Variants in RALYL observed in about 807,000 individuals in gnomAD.
RALYL encodes the protein RALY RNA binding protein like.
RALYL carries 29 observed loss-of-function variants against 35.1 expected under a neutral mutation model. The observed-to-expected ratio is 0.83, with a 90% CI of 0.61 to 1.13. The LOEUF is 1.13. Among genes scored for constraint, RALYL ranks in the 50% most tolerant of loss-of-function variants. The probability of loss-of-function intolerance (pLI) is 0.00; values close to 1 mark genes in which losing one functional copy is unlikely to be tolerated. For synonymous variants in RALYL, 120 were observed against 127.6 expected (o/e 0.94, Z 0.40); for missense variants, 359 against 360.4 (o/e 1.00, Z 0.03).
intron 1 of RALYL, among the ~76,000 whole-genome samples, chr8:84,252,097 T>C (rs1244206824): frequency 6.6e-6 from 1 of 152,108 alleles, no homozygotes; most frequent in Non-Finnish European, 1.5e-5. Context: ...TATATCCTTA[T>C]ATAACATGGA....
At chr8:84,332,438 G>A (rs1847008628) in intron 1 of RALYL, among the ~76,000 whole-genome samples, 1 of 152,042 alleles carries the variant, frequency 6.6e-6, no homozygotes, top group Non-Finnish European at 1.5e-5. Flanking sequence ...TACAAGTTCT[G>A]ACTGAAAAGA....
chr8:84,235,352 T>C (rs1012103680), intron 1 of RALYL, among the ~76,000 whole-genome samples: 1 of 152,198 alleles, frequency 6.6e-6, no homozygotes, highest in Admixed American at 6.5e-5. Flanking sequence ...AGATATTCAT[T>C]ATCAGCTTCC....
At chr8:84,222,206 A>G (rs1158976621) in intron 1 of RALYL, among the ~76,000 whole-genome samples, 3 of 152,152 alleles carry the variant, frequency 2.0e-5, no homozygotes, top group African/African-American at 4.8e-5. Context: ...AAAATAAATT[A>G]AAAATTGATT....
chr8:84,454,390 C>T (rs1269017263), intron 1 of RALYL, among the ~76,000 whole-genome samples: 3 of 151,852 alleles, frequency 2.0e-5, no homozygotes. Context: ...TACATGCACA[C>T]TGCTATACAT....
chr8:84,597,429 C>T (rs181719479), intron 2 of RALYL, among the ~76,000 whole-genome samples: 1 of 152,148 alleles, frequency 6.6e-6, no homozygotes, highest in Admixed American at 6.6e-5. Flanking sequence ...ATTTTTCTCC[C>T]TCCTTTCAAG....
chr8:84,282,765 T>A (rs1186838203), intron 1 of RALYL, among the ~76,000 whole-genome samples: 1 of 151,664 alleles, frequency 6.6e-6, no homozygotes, highest in African/African-American at 2.4e-5. Flanking sequence ...TGTGTGTGTG[T>A]GTGTGTGTGT....
chr8:84,271,642 G>A (rs192368455), intron 1 of RALYL, among the ~76,000 whole-genome samples: 34 of 151,874 alleles, frequency 2.2e-4, no homozygotes, highest in Middle Eastern at 3.4e-3. Flanking sequence ...TCCATATGAT[G>A]GACTACTACC....
chr8:84,352,416 A>T (rs568482058), intron 1 of RALYL, among the ~76,000 whole-genome samples: 1 of 150,680 alleles, frequency 6.6e-6, no homozygotes, highest in South Asian at 2.1e-4. Flanking sequence ...TACAGGGTTC[A>T]AATAAAATTA....
At chr8:84,858,641 A>T (rs1456586323) in intron 5 of RALYL, among the ~76,000 whole-genome samples, 1 of 152,186 alleles carries the variant, frequency 6.6e-6, no homozygotes, top group Non-Finnish European at 1.5e-5. Context: ...ACTATTTGCC[A>T]ATCTAATATT....
chr8:84,273,469 T>A (rs1586693310), intron 1 of RALYL, among the ~76,000 whole-genome samples: 1 of 152,330 alleles, frequency 6.6e-6, no homozygotes, highest in East Asian at 1.9e-4. Flanking sequence ...AACTCAGAAG[T>A]AAACTGTTAC....
chr8:84,418,933 T>C (rs911185666), intron 1 of RALYL, among the ~76,000 whole-genome samples: 2 of 152,148 alleles, frequency 1.3e-5, no homozygotes, highest in Non-Finnish European at 2.9e-5. Flanking sequence ...AGGCCTCCCA[T>C]GCATTGTCTA....
intron 6 of RALYL, among the ~76,000 whole-genome samples, chr8:84,863,013 T>C (rs529372818): frequency 2.6e-5 from 4 of 152,226 alleles, no homozygotes; most frequent in Non-Finnish European, 4.4e-5. Context: ...AAAGCAGCGA[T>C]ACAAACTTTC....
chr8:84,366,763 C>CAAAAAAAA (rs1166208925), intron 1 of RALYL, among the ~76,000 whole-genome samples: 17 of 56,670 alleles, frequency 3.0e-4, no homozygotes, highest in African/African-American at 8.5e-4. Context: ...ATTTTTGTCT[C>CAAAAAAAA]AAAAAAAAAA....
chr8:84,378,181 G>T (rs1857293866), intron 1 of RALYL, among the ~76,000 whole-genome samples: 1 of 151,866 alleles, frequency 6.6e-6, no homozygotes, highest in African/African-American at 2.4e-5. Flanking sequence ...ATCCGTTTAT[G>T]CCTTCTTAAT....
intron 8 of RALYL, among the ~76,000 whole-genome samples, chr8:84,896,065 A>G (rs1348670390): frequency 6.6e-6 from 1 of 152,052 alleles, no homozygotes; most frequent in African/African-American, 2.4e-5. Context: ...TGCTTCTTCT[A>G]CCTGCCCACT....
At chr8:84,279,647 G>T (rs1836153765) in intron 1 of RALYL, among the ~76,000 whole-genome samples, 1 of 152,112 alleles carries the variant, frequency 6.6e-6, no homozygotes, top group African/African-American at 2.4e-5. Context: ...TGGAGGCTTT[G>T]GAGGAGCATC....
intron 4 of RALYL, among the ~76,000 whole-genome samples, chr8:84,837,343 G>A (rs961953785): frequency 9.2e-5 from 14 of 152,208 alleles, no homozygotes; most frequent in Middle Eastern, 3.4e-3. Flanking sequence ...GCCAGTTATC[G>A]CAATTGAGAA....
At chr8:84,829,598 G>A (rs1022674285) in intron 4 of RALYL, 1 of 152,046 alleles carries the variant, frequency 6.6e-6, no homozygotes, top group African/African-American at 2.4e-5. Context: ...AATTTTGAAG[G>A]AAGATTATTT....
intron 1 of RALYL, among the ~76,000 whole-genome samples, chr8:84,514,850 T>C (rs534791624): frequency 1.6e-5 from 1 of 62,548 alleles, no homozygotes; most frequent in East Asian, 4.6e-4. Context: ...CAGGTGCTAG[T>C]ATTATTAAAG....
Sources: gnomAD v4.1 joint callset for allele counts (sites outside exome capture counted in the v4.1 genomes callset) on GRCh38, gnomAD v4.1.1 for gene constraint, MANE v1.5 for transcripts, NCBI Gene and HGNC (gene_info 2026-07-23, HGNC 2026-07-21) for gene names.